LIMD1: variants seen among roughly 807,000 people sequenced by gnomAD.
The protein encoded by LIMD1 is LIM domain-containing protein 1.
LIMD1 carries 23 observed loss-of-function variants against 58.4 expected under a neutral mutation model. The observed-to-expected ratio is 0.39, with a 90% CI of 0.28 to 0.56. LIMD1 has a LOEUF of 0.56. Ranked by LOEUF, LIMD1 falls within the 20% of genes least tolerant of loss-of-function variation. The pLI is 0.57. For synonymous variants in LIMD1, 334 were observed against 345.5 expected (o/e 0.97, Z 0.37); for missense variants, 838 against 855.5 (o/e 0.98, Z 0.25).
chr3:45,639,933 G>T (rs962397512), intron 2 of LIMD1, among the ~76,000 whole-genome samples: 6 of 152,230 alleles, frequency 3.9e-5, no homozygotes, highest in Non-Finnish European at 8.8e-5. Context: ...AAAATGCTGG[G>T]ATTACAGGCG....
intron 1 of LIMD1, among the ~76,000 whole-genome samples, chr3:45,617,293 C>G (rs1411262791): frequency 6.6e-6 from 1 of 151,922 alleles, no homozygotes; most frequent in Non-Finnish European, 1.5e-5. Context: ...GTGATCTACT[C>G]ACCTCGGCCT....
chr3:45,636,232 C>A lies in LIMD1; in HGVS notation c.1491C>A (p.Cys497Ter). 4 of 1,611,828 alleles carry A rather than the reference C, an allele frequency of 2.5e-6. No individual in the cohort carries two copies. Among genetic ancestry groups the A allele is most frequent in the Non-Finnish European group, 3.4e-6 (4 of 1,178,906 alleles). ...TGGGGAACCTCTACCATGACACATG[C>A]TTCACCTGTGCAGCTTGCAGTAAGT... ...QAMGNLYHDT[C>*]FTCAACSRKL... The change falls in exon 2 of 8, where the codon TGC (cysteine) becomes TGA (stop). Residue 497 changes from cysteine (C) to a stop codon, truncating the protein, a stop_gained. Transcript: ENST00000273317. LOFTEE classifies it high-confidence loss of function.
At chr3:45,604,154 G>A (rs1701445643) in intron 1 of LIMD1, among the ~76,000 whole-genome samples, 1 of 152,254 alleles carries the variant, frequency 6.6e-6, no homozygotes. Context: ...CCTGGGTGAA[G>A]CTTGGGCTGG....
In LIMD1 at chr3:45,638,287, TTTAG is replaced by T. The variant is rs1360615320; in HGVS notation, c.1510+2044_1510+2047del. ...GTTTAGGCCCCCCTTTATTTATTTA[TTTAG>T]TTAGTTAAATTTTAATTTTAGTTTT... On this transcript the variant is annotated intron_variant, in intron 2 of 7. Coordinates refer to ENST00000273317, the MANE Select transcript of LIMD1 (RefSeq NM_014240.3). 9.3e-5 allele frequency among the ~76,000 whole-genome samples: 14 copies of T among 151,120 alleles called. 1 individual carries two copies. Among genetic ancestry groups the T allele is most frequent in the Admixed American group, 1.3e-4 (2 of 15,222 alleles).
chr3:45,646,267 C>T (rs1190928677), intron 2 of LIMD1, among the ~76,000 whole-genome samples: 1 of 152,226 alleles, frequency 6.6e-6, no homozygotes, highest in African/African-American at 2.4e-5. Context: ...CCATGGCCTT[C>T]ACCCCTCACT....
chr3:45,636,245 G>T lies in LIMD1; in HGVS notation c.1504G>T (p.Ala502Ser). Residue 502 changes from alanine to serine, a missense_variant, in exon 2 of 8, where the codon GCT (alanine) becomes TCT (serine). Ala to Ser is a moderately conservative substitution (Grantham distance 99, BLOSUM62 1). This residue lies in a region of LIMD1 where 659 missense variants were observed against 639.8 expected (regional missense o/e 1.03). Coordinates refer to ENST00000273317, the MANE Select transcript of LIMD1 (RefSeq NM_014240.3). ...CCATGACACATGCTTCACCTGTGCAGCTTGCAGTAAGTGTGGGTGTGGGTG... is the reference window on the plus strand; with the variant it reads ...CCATGACACATGCTTCACCTGTGCATCTTGCAGTAAGTGTGGGTGTGGGTG... ...LYHDTCFTCA[A>S]CSRKLRGKAF... 1 of 1,606,804 alleles carries T rather than the reference G, an allele frequency of 6.2e-7. No homozygotes were observed. The highest frequency in any genetic ancestry group is 8.5e-7 in the Non-Finnish European group (1 of 1,176,232).
chr3:45,684,134 C>T lies in LIMD1; in HGVS notation c.*7075C>T, dbSNP rs574195086. On this transcript the variant is annotated 3_prime_UTR_variant, in exon 8 of 8. Coordinates refer to ENST00000273317, the MANE Select transcript of LIMD1 (RefSeq NM_014240.3). ...TCAGAGAGATCTGGTTAGAAGTTCC[C>T]AGGTAGGCGACAGCCCTAGATGTGT... is the stretch of plus-strand genomic sequence containing the variant. 6 of 152,318 alleles carry T rather than the reference C, an allele frequency of 3.9e-5. No homozygotes were observed. The highest frequency in any genetic ancestry group is 9.6e-5 in the African/African-American group (4 of 41,552). 9.4% of individuals were successfully genotyped at this position (152,318 alleles called of 1,614,324 possible). A position where few individuals can be genotyped will look rare whatever the true frequency, so the allele number is the denominator to read the frequency against.
intron 1 of LIMD1, among the ~76,000 whole-genome samples, chr3:45,600,342 C>G (rs1381162455): frequency 6.6e-6 from 1 of 152,108 alleles, no homozygotes; most frequent in Admixed American, 6.5e-5. Context: ...CTTGTGAATC[C>G]CTGTTGCCAC....
chr3:45,644,347 C>A (rs116672052), intron 2 of LIMD1, among the ~76,000 whole-genome samples: 4,606 of 152,280 alleles, frequency 0.03, 74 homozygotes, highest in Non-Finnish European at 0.041. Flanking sequence ...ACCTCGTCAA[C>A]CCAGCCCCTG....
intron 1 of LIMD1, among the ~76,000 whole-genome samples, chr3:45,625,651 G>A (rs1266119662): frequency 6.6e-6 from 1 of 152,106 alleles, no homozygotes; most frequent in South Asian, 2.1e-4. Flanking sequence ...CTCTGCCCTT[G>A]TGAATGGATT....
At chr3:45,645,737 C>G (rs1430068434) in intron 2 of LIMD1, among the ~76,000 whole-genome samples, 1 of 152,120 alleles carries the variant, frequency 6.6e-6, no homozygotes, top group East Asian at 1.9e-4. Flanking sequence ...GTTTCTGTGG[C>G]CCTCTCATCT....
At chr3:45,622,493 AC>A (rs1459371995) in intron 1 of LIMD1, among the ~76,000 whole-genome samples, 2 of 152,144 alleles carry the variant, frequency 1.3e-5, no homozygotes, top group Admixed American at 1.3e-4. Context: ...ATAAAATAGA[AC>A]AATTATAGCA....
Position 45,684,597 on chromosome 3 carries a change from C to G in LIMD1, c.*7538C>G, listed in dbSNP as rs894263284. ...CTCCCCATTCCTGGCGGGAAGCAGA[C>G]TGATATATAGAGGAGGGGGTTTGAA... is the stretch of plus-strand genomic sequence containing the variant. On this transcript the variant is annotated 3_prime_UTR_variant, in exon 8 of 8. Transcript: ENST00000273317. 1 of 152,146 alleles carries G rather than the reference C, an allele frequency of 6.6e-6. No individual in the cohort carries two copies. The highest frequency in any genetic ancestry group is 1.5e-5 in the Non-Finnish European group (1 of 68,046). The allele number at this position is 152,146 out of a possible 1,614,324, so 9.4% of individuals were successfully genotyped here.
At chr3:45,651,194 T>G (rs1396721086) in intron 2 of LIMD1, among the ~76,000 whole-genome samples, 1 of 152,218 alleles carries the variant, frequency 6.6e-6, no homozygotes, top group African/African-American at 2.4e-5. Flanking sequence ...GTTGTTTTCT[T>G]GTAAATTTGT....
chr3:45,599,721 G>A (rs1365212455), intron 1 of LIMD1, among the ~76,000 whole-genome samples: 2 of 152,222 alleles, frequency 1.3e-5, no homozygotes, highest in African/African-American at 2.4e-5. Context: ...CAAGGGGCAG[G>A]CGTAGCTGCA....
Position 45,622,262 on chromosome 3 carries a change from A to G in LIMD1, c.1409-13888A>G, listed in dbSNP as rs150874096. ...CTACTAGCTGTCTCTGTGCACATCT[A>G]TTTTGGGGAGAATTTTAAATTATTT... On this transcript the variant is annotated intron_variant, in intron 1 of 7. Transcript: ENST00000273317. Among the ~76,000 whole-genome samples the G allele has an allele frequency of 7.8e-3, 1,181 of 152,084 alleles. 7 individuals are homozygous for G. The highest frequency in any genetic ancestry group is 0.013 in the Non-Finnish European group (873 of 67,988).
chr3:45,614,904 T>A (rs967424680), intron 1 of LIMD1, among the ~76,000 whole-genome samples: 3 of 152,106 alleles, frequency 2.0e-5, no homozygotes, highest in African/African-American at 7.2e-5. Context: ...GACTTTTTTT[T>A]CTTTTACACA....
At chr3:45,646,568 C>T (rs1701910075) in intron 2 of LIMD1, among the ~76,000 whole-genome samples, 1 of 152,160 alleles carries the variant, frequency 6.6e-6, no homozygotes, top group African/African-American at 2.4e-5. Flanking sequence ...GCTAGTGTGA[C>T]TATGGAACTG....
chr3:45,652,787 G>T (rs1701988379), intron 2 of LIMD1, among the ~76,000 whole-genome samples: 1 of 152,208 alleles, frequency 6.6e-6, no homozygotes, highest in Admixed American at 6.5e-5. Context: ...GCTGATCCAT[G>T]CTCTGCTGAA....
Sources: gnomAD v4.1 joint callset for allele counts (sites outside exome capture counted in the v4.1 genomes callset) on GRCh38, gnomAD v4.1.1 for gene constraint, gnomAD v4.1.1 regional missense constraint, MANE v1.5 for transcripts, NCBI Gene and HGNC (gene_info 2026-07-23, HGNC 2026-07-21) for gene names.